CAST: variants seen among roughly 807,000 people sequenced by gnomAD.
CAST encodes the protein MIR583 host.
A neutral mutation model predicts 119.6 loss-of-function variants in CAST; 76 were observed. The ratio of observed to expected loss-of-function variants is 0.64; its 90% CI spans 0.53 to 0.77. The LOEUF (loss-of-function observed/expected upper bound fraction) is 0.77, where lower values mean the gene tolerates loss of function less well. Ranked by LOEUF, CAST falls within the 30% of genes least tolerant of loss-of-function variation. CAST has a pLI of 0.00. For synonymous variants in CAST, 319 were observed against 331.6 expected, an observed-to-expected ratio of 0.96 and a Z score of 0.41; for missense variants, 953 against 946.5, an observed-to-expected ratio of 1.01 and a Z score of -0.09.
intron 1 of CAST, among the ~76,000 whole-genome samples, chr5:96,650,683 A>G (rs1231744829): frequency 1.3e-5 from 2 of 151,100 alleles, no homozygotes; most frequent in Non-Finnish European, 2.9e-5. Flanking sequence ...CCTAAGATGT[A>G]CTTTCCATAT....
chr5:95,963,067 T>A, the CAST span, among the ~76,000 whole-genome samples: 1 of 152,106 alleles, frequency 6.6e-6, no homozygotes, highest in Non-Finnish European at 1.5e-5. Flanking sequence ...AATTGGTTGA[T>A]CAGAAACACC....
the CAST span, among the ~76,000 whole-genome samples, chr5:96,035,660 T>C: frequency 6.6e-6 from 1 of 151,840 alleles, no homozygotes. Context: ...AGGAATTAGG[T>C]ACCTAGAAAA....
intron 1 of CAST, among the ~76,000 whole-genome samples, chr5:96,543,221 T>C (rs1483304634): frequency 6.6e-6 from 1 of 152,212 alleles, no homozygotes; most frequent in African/African-American, 2.4e-5. Flanking sequence ...AATGAGTTCG[T>C]GTCCTTTGCA....
intron 1 of CAST, chr5:96,663,282 A>T (rs1396411007): frequency 1.4e-6 from 1 of 698,940 alleles, no homozygotes; most frequent in East Asian, 2.7e-5. Context: ...TTTGGCGGGG[A>T]AGGGGTGCGG....
intron 1 of CAST, among the ~76,000 whole-genome samples, chr5:96,599,721 C>A (rs1338612482): frequency 1.3e-5 from 2 of 152,114 alleles, no homozygotes; most frequent in Admixed American, 6.5e-5. Context: ...ACTACCAACT[C>A]TGATTAATTC....
the CAST span, among the ~76,000 whole-genome samples, chr5:96,321,621 G>C: frequency 6.6e-6 from 1 of 152,142 alleles, no homozygotes; most frequent in East Asian, 1.9e-4. Context: ...CAAGTCACCA[G>C]TGTCCTCATT....
At chr5:96,131,488 G>A in the CAST span, among the ~76,000 whole-genome samples, 16 of 151,870 alleles carry the variant, frequency 1.1e-4, no homozygotes, top group African/African-American at 9.7e-5. Flanking sequence ...CATGATTGCC[G>A]TATGTTACAT....
the CAST span, among the ~76,000 whole-genome samples, chr5:96,485,502 G>C: frequency 6.6e-6 from 1 of 152,134 alleles, no homozygotes; most frequent in Non-Finnish European, 1.5e-5. Context: ...GAGCCGATTT[G>C]GTGGTCTAAA....
the CAST span, among the ~76,000 whole-genome samples, chr5:96,358,613 T>C: frequency 1.3e-5 from 2 of 152,246 alleles, no homozygotes; most frequent in African/African-American, 4.8e-5. Flanking sequence ...AGGAGCAGGC[T>C]GTTCAGTTTC....
intron 1 of CAST, among the ~76,000 whole-genome samples, chr5:96,674,217 A>G (rs1198174961): frequency 6.6e-6 from 1 of 151,918 alleles, no homozygotes; most frequent in Non-Finnish European, 1.5e-5. Context: ...TCAAATCACT[A>G]TTATTCTTAG....
chr5:96,613,982 A>T (rs1747409226), intron 1 of CAST, among the ~76,000 whole-genome samples: 1 of 152,158 alleles, frequency 6.6e-6, no homozygotes, highest in Admixed American at 6.5e-5. Context: ...GAGGCTGGGT[A>T]TCCTCACAGC....
At chr5:96,020,778 C>G in the CAST span, among the ~76,000 whole-genome samples, 2 of 151,838 alleles carry the variant, frequency 1.3e-5, no homozygotes, top group African/African-American at 4.8e-5. Context: ...ATAAATTTTG[C>G]ACAATAAATG....
intron 1 of CAST, among the ~76,000 whole-genome samples, chr5:96,559,951 A>T (rs1342447674): frequency 6.6e-6 from 1 of 152,182 alleles, no homozygotes; most frequent in East Asian, 1.9e-4. Context: ...CTGCCTTCAA[A>T]CTATACTTAC....
chr5:96,358,811 A>G, the CAST span, among the ~76,000 whole-genome samples: 1 of 152,148 alleles, frequency 6.6e-6, no homozygotes, highest in Non-Finnish European at 1.5e-5. Flanking sequence ...TATTCTGTTG[A>G]TCTGTAGTGG....
At chr5:96,545,904 G>A (rs1490546373) in intron 1 of CAST, among the ~76,000 whole-genome samples, 2 of 152,136 alleles carry the variant, frequency 1.3e-5, no homozygotes, top group African/African-American at 2.4e-5. Flanking sequence ...ACTATCTTTA[G>A]TCTAACCACA....
At chr5:96,229,653 C>T in the CAST span, among the ~76,000 whole-genome samples, 1 of 152,070 alleles carries the variant, frequency 6.6e-6, no homozygotes, top group Non-Finnish European at 1.5e-5. Context: ...TGACAGTGAA[C>T]ATTATGCATG....
At chr5:96,535,725 C>T (rs1400021539) in intron 1 of CAST, among the ~76,000 whole-genome samples, 1 of 151,880 alleles carries the variant, frequency 6.6e-6, no homozygotes, top group Non-Finnish European at 1.5e-5. Context: ...AGGCGCCCGC[C>T]ACCAAGCCCG....
At chr5:96,110,294 A>G in the CAST span, among the ~76,000 whole-genome samples, 1 of 152,138 alleles carries the variant, frequency 6.6e-6, no homozygotes, top group Non-Finnish European at 1.5e-5. Flanking sequence ...GTTTAATTGT[A>G]TGTGTGGCTT....
At chr5:96,700,486 T>G (rs1324087849) in intron 3 of CAST, among the ~76,000 whole-genome samples, 1 of 152,148 alleles carries the variant, frequency 6.6e-6, no homozygotes, top group East Asian at 1.9e-4. Context: ...CAGTGTGGGT[T>G]TTATTAAAAT....
Sources: allele counts gnomAD v4.1 joint callset (sites outside exome capture counted in the v4.1 genomes callset), GRCh38; gene constraint gnomAD v4.1.1; transcripts MANE v1.5; gene names NCBI Gene and HGNC (gene_info 2026-07-23, HGNC 2026-07-21).